Variants in SLAMF9 observed in about 807,000 individuals in gnomAD.
SLAMF9 encodes the protein CD2 family member 10.
A neutral mutation model predicts 30.4 loss-of-function variants in SLAMF9; 25 were observed. The observed-to-expected ratio is 0.82, with a 90% CI of 0.60 to 1.15. The LOEUF (loss-of-function observed/expected upper bound fraction) is 1.15, where lower values mean the gene tolerates loss of function less well. Among genes scored for constraint, SLAMF9 ranks in the 50% most tolerant of loss-of-function variants. The pLI is 0.00. For missense variants in SLAMF9, 344 were observed against 346.1 expected (o/e 0.99, Z 0.05); for synonymous variants, 129 against 127.2 (o/e 1.01, Z -0.09).
the SLAMF9 span, chr1:159,973,746 G>A: frequency 0.013 from 20,818 of 1,542,194 alleles, 183 homozygotes; most frequent in Non-Finnish European, 0.016. Flanking sequence ...TCTAGAGACG[G>A]GACCCCTGAG....
chr1:159,965,624 C>T, the SLAMF9 span: 1 of 152,164 alleles, frequency 6.6e-6, no homozygotes, highest in Non-Finnish European at 1.5e-5. Flanking sequence ...GCCCACACCA[C>T]CCACCTCATT....
chr1:159,979,141 G>A, the SLAMF9 span: 1 of 152,100 alleles, frequency 6.6e-6, no homozygotes, highest in Non-Finnish European at 1.5e-5. Flanking sequence ...AGCATGAGCA[G>A]AAAACCCTGC....
Position 159,953,345 on chromosome 1 carries a change from T to C in SLAMF9, c.355A>G (p.Ile119Val), listed in dbSNP as rs775061961. 8.7e-6 allele frequency: 14 copies of C among 1,612,264 alleles called. No individual in the cohort carries two copies. The highest frequency in any genetic ancestry group is 1.2e-5 in the Non-Finnish European group (14 of 1,178,530). ...QAQVNLRTSQISTMQQYNICV... is the reference protein window; with the variant it reads ...QAQVNLRTSQVSTMQQYNICV... ...ATATTGTACTGCTGCATGGTAGAGA[T>C]CTGGGATGTTCTCAGGTTGACTTGA... Residue 119 changes from isoleucine (I) to valine (V), a missense_variant, in exon 2 of 4, where the codon ATC (isoleucine) becomes GTC (valine). By Grantham distance (29) the Ile-to-Val change is conservative. Transcript: ENST00000368093.
chr1:159,954,450 G>C (rs1466929549), upstream of SLAMF9, among the ~76,000 whole-genome samples: 1 of 151,876 alleles, frequency 6.6e-6, no homozygotes, highest in African/African-American at 2.4e-5. Context: ...CTTCCTACCC[G>C]CCCCAGGTCC....
the SLAMF9 span, among the ~76,000 whole-genome samples, chr1:159,976,316 T>C: frequency 2.8e-4 from 43 of 152,228 alleles, 1 homozygote; most frequent in East Asian, 6.8e-3. Context: ...AATACCTGTA[T>C]GGAATGAGCC....
the SLAMF9 span, among the ~76,000 whole-genome samples, chr1:159,959,971 G>A: frequency 8.6e-5 from 13 of 151,480 alleles, no homozygotes; most frequent in African/African-American, 3.2e-4. Context: ...AGACACTTAG[G>A]GTTCCCTGTA....
At chr1:159,980,173 T>C in the SLAMF9 span, among the ~76,000 whole-genome samples, 1 of 152,168 alleles carries the variant, frequency 6.6e-6, no homozygotes, top group Admixed American at 6.5e-5. Context: ...AGAACAATGA[T>C]TCTGAACACA....
At chr1:159,973,707 C>T in the SLAMF9 span, 1 of 1,231,576 alleles carries the variant, frequency 8.1e-7, no homozygotes, top group Non-Finnish European at 1.2e-6. Flanking sequence ...CAGCCAGAGA[C>T]AGGGGTCCTG....
the SLAMF9 span, chr1:159,972,954 T>C: frequency 1.7e-5 from 19 of 1,101,362 alleles, no homozygotes; most frequent in East Asian, 3.2e-4. Context: ...CACTGCATGA[T>C]GCCCAGACCC....
At chr1:159,981,310 T>G in the SLAMF9 span, among the ~76,000 whole-genome samples, 1 of 152,094 alleles carries the variant, frequency 6.6e-6, no homozygotes, top group Admixed American at 6.5e-5. Context: ...AAACCAACCC[T>G]GCTGACCTTT....
At chr1:159,978,276 G>A in the SLAMF9 span, among the ~76,000 whole-genome samples, 1 of 152,130 alleles carries the variant, frequency 6.6e-6, no homozygotes, top group Non-Finnish European at 1.5e-5. Flanking sequence ...ACTTAGGGGT[G>A]GGAGATGGGG....
At chr1:159,982,178 T>C in the SLAMF9 span, among the ~76,000 whole-genome samples, 1 of 152,226 alleles carries the variant, frequency 6.6e-6, no homozygotes, top group Non-Finnish European at 1.5e-5. Flanking sequence ...TCTGCTTCCA[T>C]TCTTTCCAAG....
the SLAMF9 span, among the ~76,000 whole-genome samples, chr1:159,960,049 T>C: frequency 1.3e-5 from 2 of 151,826 alleles, no homozygotes. Context: ...AGTTCTAGAG[T>C]ACATGTGCAC....
the SLAMF9 span, among the ~76,000 whole-genome samples, chr1:159,961,810 A>G: frequency 6.6e-6 from 1 of 152,198 alleles, no homozygotes. Context: ...GACGGACTGC[A>G]GGCCGCTCAC....
chr1:159,953,090 C>T (rs189545220), intron 2 of SLAMF9, among the ~76,000 whole-genome samples: 5 of 152,332 alleles, frequency 3.3e-5, no homozygotes, highest in Non-Finnish European at 7.3e-5. Context: ...GCCACTGCAT[C>T]GGACAGCCTC....
chr1:159,953,248 T>G (rs565312061), intron 2 of SLAMF9, 61 bp downstream of exon 2: 7 of 1,407,174 alleles, frequency 5.0e-6, no homozygotes, highest in Non-Finnish European at 6.9e-6. Flanking sequence ...GCCCACTCCA[T>G]GGTGTGAGAA....
At chr1:159,951,971 C>A in intron 3 of SLAMF9, 105 bp from the exon 4 acceptor site, 1 of 919,118 alleles carries the variant, frequency 1.1e-6, no homozygotes, top group South Asian at 1.6e-5. Flanking sequence ...AGTTCACAAT[C>A]AGTTGAAGTC....
At chr1:159,974,854 T>C in the SLAMF9 span, among the ~76,000 whole-genome samples, 3 of 152,310 alleles carry the variant, frequency 2.0e-5, no homozygotes, top group East Asian at 5.8e-4. Flanking sequence ...AGTTCCCTTC[T>C]CATTCCCATT....
intron 1 of SLAMF9, 111 bp downstream of exon 1, chr1:159,953,981 G>A (rs1651864820): frequency 5.3e-6 from 7 of 1,326,760 alleles, no homozygotes; most frequent in South Asian, 1.3e-5. Context: ...AACTCCAGAA[G>A]AGCTGACACA....
Sources: allele counts gnomAD v4.1 joint callset (sites outside exome capture counted in the v4.1 genomes callset), GRCh38; gene constraint gnomAD v4.1.1; transcripts MANE v1.5; gene names NCBI Gene and HGNC (gene_info 2026-07-23, HGNC 2026-07-21).